Variants in LINGO2 observed in about 807,000 individuals in gnomAD.
The protein encoded by LINGO2 is leucine rich repeat and Ig domain containing 2, also known as leucine-rich repeat and immunoglobulin-like domain-containing nogo receptor-interacting protein 2.
In LINGO2, 14 loss-of-function variants were observed where a neutral mutation model predicts 30.6. That is an observed-to-expected ratio of 0.46 (90% CI 0.30 to 0.72). The LOEUF is 0.72. LINGO2 is among the 30% of genes least tolerant of loss of function. The pLI is 0.07. For missense variants in LINGO2, 729 were observed against 751.7 expected, an observed-to-expected ratio of 0.97 and a Z score of 0.35; for synonymous variants, 317 against 288.5, an observed-to-expected ratio of 1.10 and a Z score of -1.00.
chr9:29,081,363 T>C, the LINGO2 span, among the ~76,000 whole-genome samples: 29,934 of 151,914 alleles, frequency 0.2, 3,069 homozygotes, highest in African/African-American at 0.24. Flanking sequence ...CAGAAAAGGC[T>C]TGTGAAAAAA....
intron 5 of LINGO2, among the ~76,000 whole-genome samples, chr9:27,978,263 A>C (rs1397321496): frequency 1.3e-5 from 2 of 152,092 alleles, no homozygotes; most frequent in African/African-American, 4.8e-5. Flanking sequence ...AATGCAACAG[A>C]TGTCTGGAGG....
the LINGO2 span, among the ~76,000 whole-genome samples, chr9:29,083,874 C>A: frequency 1.3e-5 from 2 of 152,050 alleles, no homozygotes; most frequent in East Asian, 1.9e-4. Context: ...AAGGATCAGC[C>A]ATAATATTAA....
chr9:28,318,969 T>C (rs1415426160), intron 3 of LINGO2, among the ~76,000 whole-genome samples: 1 of 152,144 alleles, frequency 6.6e-6, no homozygotes, highest in Non-Finnish European at 1.5e-5. Context: ...TACACTTGGT[T>C]AGTAAGTGGC....
chr9:28,523,698 AAC>A (rs1360816093), intron 1 of LINGO2, among the ~76,000 whole-genome samples: 1 of 152,196 alleles, frequency 6.6e-6, no homozygotes, highest in African/African-American at 2.4e-5. Context: ...TTTAAAAATA[AAC>A]AGATATAAAA....
intron 1 of LINGO2, among the ~76,000 whole-genome samples, chr9:28,556,992 C>A (rs1490898368): frequency 6.6e-6 from 1 of 151,750 alleles, no homozygotes; most frequent in Non-Finnish European, 1.5e-5. Flanking sequence ...ATACAAAAAT[C>A]AATTCAAGAT....
At chr9:28,238,274 T>C (rs1010848211) in intron 4 of LINGO2, among the ~76,000 whole-genome samples, 2 of 152,140 alleles carry the variant, frequency 1.3e-5, no homozygotes, top group Non-Finnish European at 2.9e-5. Context: ...AAATGGGACT[T>C]AATCTGCATT....
chr9:29,098,206 G>C, the LINGO2 span, among the ~76,000 whole-genome samples: 1 of 152,062 alleles, frequency 6.6e-6, no homozygotes, highest in Non-Finnish European at 1.5e-5. Flanking sequence ...TTATCAAATA[G>C]TGGTTGAGCA....
chr9:29,169,190 C>T, the LINGO2 span, among the ~76,000 whole-genome samples: 34 of 152,008 alleles, frequency 2.2e-4, no homozygotes, highest in Admixed American at 7.9e-4. Context: ...TCAGGTGATC[C>T]GCCCACCTTG....
chr9:28,322,467 ACACACACACACAC>A (rs1825081012), intron 3 of LINGO2, among the ~76,000 whole-genome samples: 2 of 64,612 alleles, frequency 3.1e-5, no homozygotes, highest in Admixed American at 1.6e-4. Flanking sequence ...ACACACACAC[ACACACACACACAC>A]GTTTACAATA....
At chr9:28,929,176 C>G in the LINGO2 span, among the ~76,000 whole-genome samples, 1 of 152,170 alleles carries the variant, frequency 6.6e-6, no homozygotes, top group East Asian at 1.9e-4. Flanking sequence ...GCCCACTTCA[C>G]GTGGGTTGCC....
At chr9:28,616,174 T>C (rs1826123123) in intron 1 of LINGO2, among the ~76,000 whole-genome samples, 1 of 152,184 alleles carries the variant, frequency 6.6e-6, no homozygotes, top group African/African-American at 2.4e-5. Flanking sequence ...GAAAAGTTTA[T>C]TTTTAAAATG....
At chr9:28,705,835 T>C in the LINGO2 span, among the ~76,000 whole-genome samples, 2 of 152,146 alleles carry the variant, frequency 1.3e-5, no homozygotes, top group Admixed American at 1.3e-4. Context: ...CTCTGTTAAG[T>C]TGTGATTCTC....
the LINGO2 span, among the ~76,000 whole-genome samples, chr9:29,052,098 T>C: frequency 6.6e-6 from 1 of 152,154 alleles, no homozygotes; most frequent in African/African-American, 2.4e-5. Context: ...ACCATATAAC[T>C]GATATTTTGG....
chr9:29,017,899 C>G, the LINGO2 span, among the ~76,000 whole-genome samples: 1 of 151,826 alleles, frequency 6.6e-6, no homozygotes, highest in Non-Finnish European at 1.5e-5. Context: ...GCGTCAGCCC[C>G]AGTAGAGGCC....
intron 4 of LINGO2, among the ~76,000 whole-genome samples, chr9:28,159,890 T>C (rs1192116298): frequency 6.6e-6 from 1 of 152,156 alleles, no homozygotes; most frequent in African/African-American, 2.4e-5. Flanking sequence ...TAGAGAGTAA[T>C]TGAGACTTTT....
the LINGO2 span, among the ~76,000 whole-genome samples, chr9:29,174,563 C>T: frequency 3.9e-5 from 6 of 152,082 alleles, no homozygotes; most frequent in Non-Finnish European, 7.3e-5. Flanking sequence ...TTTGAAAATA[C>T]ATAATCTTAA....
the LINGO2 span, among the ~76,000 whole-genome samples, chr9:28,776,501 T>C: frequency 6.6e-6 from 1 of 152,328 alleles, no homozygotes; most frequent in South Asian, 2.1e-4. Context: ...CAAATATTAC[T>C]AATTTAACCA....
the LINGO2 span, among the ~76,000 whole-genome samples, chr9:28,906,468 T>C: frequency 0.74 from 112,363 of 151,452 alleles, 41,820 homozygotes; most frequent in Non-Finnish European, 0.78. Context: ...AGAAATATTT[T>C]ATTAAAGTAG....
chr9:28,686,987 G>T, the LINGO2 span, among the ~76,000 whole-genome samples: 78 of 152,088 alleles, frequency 5.1e-4, no homozygotes, highest in Non-Finnish European at 1.0e-3. Flanking sequence ...GGGGATGAGT[G>T]GTTATACTAC....
Sources: allele counts gnomAD v4.1 joint callset (sites outside exome capture counted in the v4.1 genomes callset), GRCh38; gene constraint gnomAD v4.1.1; transcripts MANE v1.5; gene names NCBI Gene and HGNC (gene_info 2026-07-23, HGNC 2026-07-21).